Variants in ZNF784 observed in about 807,000 individuals in gnomAD.
The protein encoded by ZNF784 is zinc finger protein 784.
ZNF784 carries 5 observed loss-of-function variants against 3.3 expected under a neutral mutation model. That is an observed-to-expected ratio of 1.53 (90% CI 0.80 to 3.22). The LOEUF is 3.22. Among genes scored for constraint, ZNF784 ranks in the 30% most tolerant of loss-of-function variants. The probability of loss-of-function intolerance (pLI) is 0.00; values close to 1 mark genes in which losing one functional copy is unlikely to be tolerated. For synonymous variants in ZNF784, 231 were observed against 219.6 expected (o/e 1.05, Z -0.46); for missense variants, 501 against 480.7 (o/e 1.04, Z -0.39).
Position 55,622,638 on chromosome 19 carries a change from C to T in ZNF784, c.85G>A (p.Val29Met), listed in dbSNP as rs1428711768. ...RSQEPLDLVLVPDDCRPGTPP... is the reference protein window; with the variant it reads ...RSQEPLDLVLMPDDCRPGTPP... ...GTGCCAGGCCGGCAGTCATCAGGCACCAGGACCTGGGCAAGAGGAGAAGAA... is the reference window on the plus strand; with the variant it reads ...GTGCCAGGCCGGCAGTCATCAGGCATCAGGACCTGGGCAAGAGGAGAAGAA... Residue 29 changes from valine to methionine, a missense_variant, in exon 2 of 2, where the codon GTG becomes ATG. Val to Met is a conservative substitution (Grantham distance 21). Coordinates refer to ENST00000325351, the MANE Select transcript of ZNF784 (RefSeq NM_203374.2). This position sits in a 1 kb window ranked among gnomAD's most constrained non-coding sequence, Gnocchi z 5.9. 5 of 1,552,004 alleles carry T rather than the reference C, an allele frequency of 3.2e-6. No individual in the cohort carries two copies. Among genetic ancestry groups the T allele is most frequent in the East Asian group, 4.6e-5 (2 of 43,576 alleles).
rs1486306750 is a variant in ZNF784 at position 55,622,313 on chromosome 19, G to A, written c.410C>T (p.Ala137Val). The A allele has an allele frequency of 6.6e-7, 1 of 1,515,196 alleles. No individual in the cohort carries two copies. The highest frequency in any genetic ancestry group is 8.8e-7 in the Non-Finnish European group (1 of 1,133,838). 93.9% of individuals were successfully genotyped at this position (1,515,196 alleles called of 1,614,324 possible). ...RPYRCALCPR[A>V]FKALAPLLRH... The stretch of plus-strand genomic sequence containing the variant: ...GAGCAGGGGCGCCAAGGCCTTGAAG[G>A]CGCGGGGGCAGAGCGCGCAGCGGTA... Residue 137 changes from alanine to valine, a missense_variant, in exon 2 of 2, where the codon GCC becomes GTC. Transcript: ENST00000325351. The surrounding 1 kb of genome is among the most constrained non-coding windows in gnomAD (Gnocchi z 5.9).
At position 55,624,539 on chromosome 19, in the gene ZNF784, G is replaced by A. The variant is rs750983685; in HGVS notation, c.23C>T (p.Ala8Val). ...CGGAGTCGGTGAGCTCCGACTCTGG[G>A]CCTCTGGGCGCGCAGCGGCCATCTT... MAAARPE[A>V]QSRSSPTPES... Residue 8 changes from alanine (A) to valine (V), a missense_variant, in exon 1 of 2, where the codon GCC becomes GTC. By Grantham distance (64) the Ala-to-Val change is moderately conservative. Transcript: ENST00000325351. The A allele has an allele frequency of 1.6e-5, 25 of 1,598,616 alleles. No homozygotes were observed. Among genetic ancestry groups the A allele is most frequent in the Non-Finnish European group, 1.9e-5 (22 of 1,173,842 alleles).
chr19:55,623,630 T>C (rs902012445), intron 1 of ZNF784, among the ~76,000 whole-genome samples: 1 of 152,222 alleles, frequency 6.6e-6, no homozygotes, highest in Admixed American at 6.5e-5. Context: ...TGTGGCGATG[T>C]AGCTCCACTT....
intron 1 of ZNF784, 34 bp downstream of exon 1, chr19:55,624,450 G>T (rs1981677086): frequency 6.8e-7 from 1 of 1,477,194 alleles, no homozygotes; most frequent in Non-Finnish European, 9.1e-7. Context: ...CTCCCACCTC[G>T]AGCCCCACGC....
rs1379201470 is a variant in ZNF784, at chr19:55,621,638, C to T, written c.*113G>A. On this transcript the variant is annotated 3_prime_UTR_variant, in exon 2 of 2. Coordinates refer to ENST00000325351, the MANE Select transcript of ZNF784 (RefSeq NM_203374.2). This position sits in a 1 kb window ranked among gnomAD's most constrained non-coding sequence, Gnocchi z 4.1. ...TCACAACCATCCCTGCAGCTGTCATCTCTCCCCCAATCTCCCCTCTTCTGT... is the reference window on the plus strand; with the variant it reads ...TCACAACCATCCCTGCAGCTGTCATTTCTCCCCCAATCTCCCCTCTTCTGT... 7.3e-7 allele frequency: 1 copy of T among 1,365,792 alleles called. No individual in the cohort carries two copies. Among genetic ancestry groups the T allele is most frequent in the Non-Finnish European group, 9.9e-7 (1 of 1,006,120 alleles). 84.6% of individuals were successfully genotyped at this position (1,365,792 alleles called of 1,614,324 possible). A position where few individuals can be genotyped will look rare whatever the true frequency, so the allele number is the denominator to read the frequency against.
intron 1 of ZNF784, among the ~76,000 whole-genome samples, chr19:55,623,272 G>A (rs1383652081): frequency 6.6e-6 from 1 of 152,236 alleles, no homozygotes; most frequent in Non-Finnish European, 1.5e-5. Flanking sequence ...GGGCTCAAGA[G>A]ATCCTTCTGG....
Position 55,622,651 on chromosome 19 carries a change from A to C in ZNF784, c.79-7T>G. The C allele has an allele frequency of 3.3e-6, 5 of 1,530,784 alleles. No homozygotes were observed. In the South Asian group the frequency reaches 6.3e-5, roughly 19 times the overall value. 94.8% of individuals were successfully genotyped at this position (1,530,784 alleles called of 1,614,324 possible). A position where few individuals can be genotyped will look rare whatever the true frequency, so the allele number is the denominator to read the frequency against. ...AGTCATCAGGCACCAGGACCTGGGC[A>C]AGAGGAGAAGAAAGAGGAGCCTGTG... On this transcript the variant is annotated splice_region_variant and splice_polypyrimidine_tract_variant and intron_variant, in intron 1 of 1. Transcript: ENST00000325351. This position sits in a 1 kb window ranked among gnomAD's most constrained non-coding sequence, Gnocchi z 5.9.
Position 55,622,041 on chromosome 19 carries a change from T to C in ZNF784, c.682A>G (p.Ile228Val). 1 of 1,592,524 alleles carries C rather than the reference T, an allele frequency of 6.3e-7. No homozygotes were observed. Among genetic ancestry groups the C allele is most frequent in the Non-Finnish European group, 8.5e-7 (1 of 1,177,312 alleles). The change falls in exon 2 of 2, where the codon ATC (isoleucine) becomes GTC (valine). Residue 228 changes from isoleucine (I) to valine (V), a missense_variant. Coordinates refer to ENST00000325351, the MANE Select transcript of ZNF784 (RefSeq NM_203374.2). The surrounding 1 kb of genome is among the most constrained non-coding windows in gnomAD (Gnocchi z 5.9). ...GACTGGGTGAAGCCCTTGCCGCAGA[T>C]GCCGCAATGGTATGGCCGCTCGCCA... The part of the protein sequence containing the change: ...HTGERPYHCG[I>V]CGKGFTQSSV...
In ZNF784 at chr19:55,622,351, C is replaced by CGTGTGCAAGCTGTA; in HGVS notation, c.358_371dup (p.Gly125ThrfsTer63). On this transcript the variant is annotated frameshift_variant, in exon 2 of 2. Transcript: ENST00000325351. LOFTEE classifies it low-confidence loss of function (END_TRUNC). This position sits in a 1 kb window ranked among gnomAD's most constrained non-coding sequence, Gnocchi z 5.9. ...GCGCGCAGCGGTAGGGCCGCTCCCC[C>CGTGTGCAAGCTGTA]GTGTGCAAGCTGTAGTGCGCGCGCA... 2 of 1,518,918 alleles carry CGTGTGCAAGCTGTA rather than the reference C, an allele frequency of 1.3e-6. No homozygotes were observed. The highest frequency in any genetic ancestry group is 1.8e-6 in the Non-Finnish European group (2 of 1,134,894). 94.1% of individuals were successfully genotyped at this position (1,518,918 alleles called of 1,614,324 possible).
Position 55,621,705 on chromosome 19 carries a change from G to A in ZNF784, c.*46C>T, listed in dbSNP as rs752006821. On this transcript the variant is annotated 3_prime_UTR_variant, in exon 2 of 2. Coordinates refer to ENST00000325351, the MANE Select transcript of ZNF784 (RefSeq NM_203374.2). This position sits in a 1 kb window ranked among gnomAD's most constrained non-coding sequence, Gnocchi z 4.1. ...CCCACCCCGTCCCCCTCCCCGGGTC[G>A]GCCTCGTACCTCCGCCTTAACTAAC... The A allele has an allele frequency of 1.7e-5, 26 of 1,551,960 alleles. No homozygotes were observed. The highest frequency in any genetic ancestry group is 1.9e-5 in the Non-Finnish European group (22 of 1,152,404).
At position 55,622,203 on chromosome 19, in the gene ZNF784, C is replaced by T; in HGVS notation, c.520G>A (p.Val174Met). ...ACCACCTCCGCCCTCTCCGGGGCCA[C>T]CCCGGGCCTCTGTTCTGCAACGGCC... is the stretch of plus-strand genomic sequence containing the variant. Reference protein sequence around the residue: ...TAAVAEQRPGVAPERAEVVMA... With the variant: ...TAAVAEQRPGMAPERAEVVMA... Residue 174 changes from valine (V) to methionine (M), a missense_variant, in exon 2 of 2, where the codon GTG becomes ATG. By Grantham distance (21) the Val-to-Met change is conservative. Transcript: ENST00000325351. The surrounding 1 kb of genome is among the most constrained non-coding windows in gnomAD (Gnocchi z 5.9). The T allele has an allele frequency of 6.5e-7, 1 of 1,534,142 alleles. No homozygotes were observed. The highest frequency in any genetic ancestry group is 8.7e-7 in the Non-Finnish European group (1 of 1,145,184).
In ZNF784 at chr19:55,622,812, G is replaced by A. The variant is rs1230956362; in HGVS notation, c.79-168C>T. ...CAACCTTGACCTCCTGGGCTCAAGC[G>A]ATCCTCCCACTTCATCTCCCTGAGT... On this transcript the variant is annotated intron_variant, in intron 1 of 1. Coordinates refer to ENST00000325351, the MANE Select transcript of ZNF784 (RefSeq NM_203374.2). This position sits in a 1 kb window ranked among gnomAD's most constrained non-coding sequence, Gnocchi z 5.9. Among the ~76,000 whole-genome samples the A allele has an allele frequency of 6.6e-6, 1 of 152,082 alleles. No individual in the cohort carries two copies. The highest frequency in any genetic ancestry group is 1.5e-5 in the Non-Finnish European group (1 of 68,010).
At chr19:55,623,742 G>A (rs1035466501) in intron 1 of ZNF784, among the ~76,000 whole-genome samples, 11 of 151,978 alleles carry the variant, frequency 7.2e-5, no homozygotes, top group Admixed American at 1.3e-4. Context: ...TATAGAAATT[G>A]GCTCAATTTT....
rs752160922 is a variant in ZNF784 at position 55,621,763 on chromosome 19, C to T, written c.960G>A (p.Glu320=). The T allele has an allele frequency of 4.0e-5, 64 of 1,597,572 alleles. No homozygotes were observed. The highest frequency in any genetic ancestry group is 2.5e-4 in the Admixed American group (15 of 59,990). ...GRGETAKVKV[E]ADQ is the part of the protein sequence containing the mutation. The stretch of plus-strand genomic sequence containing the variant: ...CCTGGTCTGCAGCCTACTGGTCGGC[C>T]TCCACCTTCACCTTCGCGGTCTCCC... Residue 320 remains glutamate (E), a synonymous_variant, in exon 2 of 2, where the codon GAG becomes GAA. Coordinates refer to ENST00000325351, the MANE Select transcript of ZNF784 (RefSeq NM_203374.2). The surrounding 1 kb of genome is among the most constrained non-coding windows in gnomAD (Gnocchi z 4.1).
In ZNF784 at chr19:55,621,989, A is replaced by G. The variant is rs753649391; in HGVS notation, c.734T>C (p.Ile245Thr). ...GCGGAACGGGCGCTCGCCAGTGTGGATGCGGGCGTGGCCGCTAAGCACCGA... is the reference window on the plus strand; with the variant it reads ...GCGGAACGGGCGCTCGCCAGTGTGGGTGCGGGCGTGGCCGCTAAGCACCGA... The part of the protein sequence containing the change: ...QSSVLSGHAR[I>T]HTGERPFRCT... Residue 245 changes from isoleucine (I) to threonine (T), a missense_variant, in exon 2 of 2, where the codon ATC (isoleucine) becomes ACC (threonine). Ile to Thr is a moderately conservative substitution (Grantham distance 89). Coordinates refer to ENST00000325351, the MANE Select transcript of ZNF784 (RefSeq NM_203374.2). This position sits in a 1 kb window ranked among gnomAD's most constrained non-coding sequence, Gnocchi z 4.1. The G allele has an allele frequency of 1.3e-6, 2 of 1,595,056 alleles. No homozygotes were observed. The highest frequency in any genetic ancestry group is 1.7e-6 in the Non-Finnish European group (2 of 1,178,122).
rs781775156 is a variant in ZNF784, at chr19:55,622,092, T to C, written c.631A>G (p.Met211Val). 7 of 1,575,674 alleles carry C rather than the reference T, an allele frequency of 4.4e-6. No homozygotes were observed. The South Asian group carries it at 4.6e-5, about 10-fold the overall frequency. ...GTGTGCACGCGCTCGTGGTCTCGCA[T>C]GTCTGAGGAGCGGCGGAAGGGCTTG... ...CAKPFRRSSD[M>V]RDHERVHTGE... Residue 211 changes from methionine to valine, a missense_variant, in exon 2 of 2, where the codon ATG (methionine) becomes GTG (valine). Transcript: ENST00000325351. The surrounding 1 kb of genome is among the most constrained non-coding windows in gnomAD (Gnocchi z 5.9).
Position 55,622,312 on chromosome 19 carries a change from G to A in ZNF784, c.411C>T (p.Ala137=), listed in dbSNP as rs911568970. Residue 137 remains alanine, a synonymous_variant, in exon 2 of 2, where the codon GCC becomes GCT. Coordinates refer to ENST00000325351, the MANE Select transcript of ZNF784 (RefSeq NM_203374.2). This position sits in a 1 kb window ranked among gnomAD's most constrained non-coding sequence, Gnocchi z 5.9. ...GGAGCAGGGGCGCCAAGGCCTTGAA[G>A]GCGCGGGGGCAGAGCGCGCAGCGGT... is the stretch of plus-strand genomic sequence containing the variant. ...RPYRCALCPR[A]FKALAPLLRH... The A allele has an allele frequency of 1.2e-5, 18 of 1,514,394 alleles. No individual in the cohort carries two copies. The East Asian group carries it at 3.7e-4, about 31-fold the overall frequency. 93.8% of individuals were successfully genotyped at this position (1,514,394 alleles called of 1,614,324 possible). A position where few individuals can be genotyped will look rare whatever the true frequency, so the allele number is the denominator to read the frequency against.
At chr19:55,624,413 C>T in intron 1 of ZNF784, 71 bp downstream of exon 1, 1 of 1,432,852 alleles carries the variant, frequency 7.0e-7, no homozygotes, top group Non-Finnish European at 9.5e-7. Context: ...GGCCACGCCC[C>T]GGACCCGCCC....
In ZNF784 at chr19:55,621,701, GGTC is replaced by G; in HGVS notation, c.*47_*49del. 1 of 1,581,688 alleles carries G rather than the reference GGTC, an allele frequency of 6.3e-7. No homozygotes were observed. The highest frequency in any genetic ancestry group is 8.5e-7 in the Non-Finnish European group (1 of 1,170,548). On this transcript the variant is annotated 3_prime_UTR_variant, in exon 2 of 2. Transcript: ENST00000325351. The surrounding 1 kb of genome is among the most constrained non-coding windows in gnomAD (Gnocchi z 4.1). ...TTTCCCCACCCCGTCCCCCTCCCCG[GGTC>G]GGCCTCGTACCTCCGCCTTAACTAA...
Sources: allele counts gnomAD v4.1 joint callset (sites outside exome capture counted in the v4.1 genomes callset), GRCh38; gene constraint gnomAD v4.1.1; non-coding constraint Gnocchi (gnomAD v3.1); transcripts MANE v1.5; gene names NCBI Gene and HGNC (gene_info 2026-07-23, HGNC 2026-07-21).